Variants in BRPF3 observed in about 807,000 individuals in gnomAD.
BRPF3 encodes bromodomain and PHD finger-containing protein 3.
A neutral mutation model predicts 102.0 loss-of-function variants in BRPF3; 18 were observed. The ratio of observed to expected loss-of-function variants is 0.18; its 90% CI spans 0.12 to 0.26. BRPF3 has a LOEUF of 0.26. Ranked by LOEUF, BRPF3 falls within the 10% of genes least tolerant of loss-of-function variation. The pLI, the probability that BRPF3 is intolerant of heterozygous loss-of-function variation, is 1.00. For missense variants in BRPF3, 1,147 were observed against 1,567.8 expected, an observed-to-expected ratio of 0.73 and a Z score of 4.53; for synonymous variants, 570 against 614.2, an observed-to-expected ratio of 0.93 and a Z score of 1.06.
At chr6:36,229,498 A>G (rs895048968) in intron 12 of BRPF3, among the ~76,000 whole-genome samples, 2 of 152,178 alleles carry the variant, frequency 1.3e-5, no homozygotes, top group South Asian at 2.1e-4. Flanking sequence ...TGAGGCTTCC[A>G]TGGTGGAGAG....
At chr6:36,197,057 G>A (rs974644160) in intron 1 of BRPF3, 87 bp downstream of exon 1, 6 of 151,448 alleles carry the variant, frequency 4.0e-5, no homozygotes, top group African/African-American at 1.5e-4. Context: ...GGGGAAACCG[G>A]AGAAGCGGGG....
intron 7 of BRPF3, 142 bp from the exon 8 acceptor site, chr6:36,213,738 T>C (rs1768216646): frequency 6.8e-6 from 6 of 879,262 alleles, no homozygotes; most frequent in African/African-American, 1.7e-5. Flanking sequence ...CCTTTCTCTT[T>C]GCTTCAGATC....
chr6:36,230,714 A>T lies in BRPF3; in HGVS notation c.*105A>T. 5 of 1,336,340 alleles carry T rather than the reference A, an allele frequency of 3.7e-6. No individual in the cohort carries two copies. The highest frequency in any genetic ancestry group is 1.0e-6 in the Non-Finnish European group (1 of 982,800). 82.8% of individuals were successfully genotyped at this position (1,336,340 alleles called of 1,614,324 possible). ...GTATGGCCGGCAGCTTCCCCCTCTC[A>T]TGGTAGGCCAGGGACTGGGCTTTCT... On this transcript the variant is annotated 3_prime_UTR_variant, in exon 13 of 13. Transcript: ENST00000357641. The surrounding 1 kb of genome is among the most constrained non-coding windows in gnomAD (Gnocchi z 5.4).
At chr6:36,198,195 C>G (rs1394869632) in intron 1 of BRPF3, among the ~76,000 whole-genome samples, 1 of 152,200 alleles carries the variant, frequency 6.6e-6, no homozygotes, top group Non-Finnish European at 1.5e-5. Context: ...GCCCGCCTGG[C>G]ACTGCTCCTC....
intron 10 of BRPF3, among the ~76,000 whole-genome samples, chr6:36,224,383 C>T (rs1023871035): frequency 2.0e-5 from 3 of 151,990 alleles, no homozygotes; most frequent in African/African-American, 4.8e-5. Context: ...ATCTGTGAAG[C>T]ACTCATTCAC....
In BRPF3 at chr6:36,207,389, G is replaced by A; in HGVS notation, c.1682G>A (p.Arg561Gln). 1 of 1,614,112 alleles carries A rather than the reference G, an allele frequency of 6.2e-7. No homozygotes were observed. Among genetic ancestry groups the A allele is most frequent in the Non-Finnish European group, 8.5e-7 (1 of 1,179,992 alleles). The change falls in exon 4 of 13, where the codon CGG becomes CAG. Residue 561 changes from arginine to glutamine, a missense_variant. Arg to Gln is a conservative substitution (Grantham distance 43). Around this residue, in one of 11 missense-constraint regions of BRPF3, gnomAD observed 23 missense variants for 54.4 expected, o/e 0.42. Transcript: ENST00000357641. Reference sequence around the variant, plus strand: ...CAGAAGCTCCGGCATGACTTGGAGCGGGCGCGGCTGCTGATTGAGCTGATT... The same window carrying A: ...CAGAAGCTCCGGCATGACTTGGAGCAGGCGCGGCTGCTGATTGAGCTGATT... ...YWQKLRHDLE[R>Q]ARLLIELIRK... is the part of the protein sequence containing the mutation.
In BRPF3 at chr6:36,210,426, G is replaced by A. The variant is rs750145294; in HGVS notation, c.2077G>A (p.Ala693Thr). 14 of 1,613,322 alleles carry A rather than the reference G, an allele frequency of 8.7e-6. No homozygotes were observed. The highest frequency in any genetic ancestry group is 2.7e-5 in the African/African-American group (2 of 74,914). Residue 693 changes from alanine to threonine, a missense_variant, in exon 6 of 13, where the codon GCC becomes ACC. Ala to Thr is a moderately conservative substitution (Grantham distance 58). Around this residue, in one of 11 missense-constraint regions of BRPF3, gnomAD observed 109 missense variants for 175.1 expected, o/e 0.62. Transcript: ENST00000357641. This position sits in a 1 kb window ranked among gnomAD's most constrained non-coding sequence, Gnocchi z 4.7. Reference sequence around the variant, plus strand: ...CCTGGGAGGGGCCATCCTACGGCACGCCCGGCGGCAGGCAGAGAACATCGG... The same window carrying A: ...CCTGGGAGGGGCCATCCTACGGCACACCCGGCGGCAGGCAGAGAACATCGG... Reference protein sequence around the residue: ...RDLGGAILRHARRQAENIGYD... With the variant: ...RDLGGAILRHTRRQAENIGYD...
intron 6 of BRPF3, 39 bp from the exon 7 acceptor site, chr6:36,211,219 G>T: frequency 6.3e-7 from 1 of 1,592,390 alleles, no homozygotes; most frequent in Non-Finnish European, 8.6e-7. Context: ...GTGCTGGGCA[G>T]GTCCTTCAGC....
At position 36,210,645 on chromosome 6, in the gene BRPF3, C is replaced by G. The variant is rs893633025; in HGVS notation, c.2179+117C>G. On this transcript the variant is annotated intron_variant, in intron 6 of 12. Coordinates refer to ENST00000357641, the MANE Select transcript of BRPF3 (RefSeq NM_015695.3). This position sits in a 1 kb window ranked among gnomAD's most constrained non-coding sequence, Gnocchi z 4.7. ...CTATAGGTAGACTCCAGGAGCAAAG[C>G]TGAGGGTGAGCACAGACTGAGGTAT... The G allele has an allele frequency of 1.1e-6, 1 of 930,324 alleles. No individual in the cohort carries two copies. The highest frequency in any genetic ancestry group is 1.6e-6 in the Non-Finnish European group (1 of 630,556). The allele number at this position is 930,324 out of a possible 1,614,324, so 57.6% of individuals were successfully genotyped here.
chr6:36,214,128 G>A lies in BRPF3; in HGVS notation c.2731G>A (p.Ala911Thr). 6.2e-7 allele frequency: 1 copy of A among 1,614,206 alleles called. No homozygotes were observed. Among genetic ancestry groups the A allele is most frequent in the Non-Finnish European group, 8.5e-7 (1 of 1,180,046 alleles). Residue 911 changes from alanine (A) to threonine (T), a missense_variant, in exon 8 of 13, where the codon GCC becomes ACC. Physicochemically the swap from Ala to Thr is moderately conservative, Grantham distance 58. Coordinates refer to ENST00000357641, the MANE Select transcript of BRPF3 (RefSeq NM_015695.3). ...DNGINRLSLMAPDTPAGTPLS... is the reference protein window; with the variant it reads ...DNGINRLSLMTPDTPAGTPLS... Reference sequence around the variant, plus strand: ...TGGCATCAACAGACTATCCCTCATGGCCCCTGACACCCCGGCCGGTACCCC... The same window carrying A: ...TGGCATCAACAGACTATCCCTCATGACCCCTGACACCCCGGCCGGTACCCC...
At chr6:36,202,411 C>CA (rs1491420212) in intron 2 of BRPF3, among the ~76,000 whole-genome samples, 1 of 41,342 alleles carries the variant, frequency 2.4e-5, no homozygotes, top group Non-Finnish European at 6.8e-5. Flanking sequence ...GCTCTGTGGA[C>CA]CCCCCCCCCC....
In BRPF3 at chr6:36,229,124, G is replaced by T. The variant is rs914708416; in HGVS notation, c.3434+68G>T. ...GGTCTGTGCCAGTGGTGCTGTGCTA[G>T]TGAGGTGTACAGAGGGGCCATGGAT... On this transcript the variant is annotated intron_variant, in intron 12 of 12. Coordinates refer to ENST00000357641, the MANE Select transcript of BRPF3 (RefSeq NM_015695.3). 19 of 1,565,784 alleles carry T rather than the reference G, an allele frequency of 1.2e-5. No individual in the cohort carries two copies. In the African/African-American group the frequency reaches 2.2e-4, roughly 18 times the overall value.
intron 7 of BRPF3, 70 bp from the exon 8 acceptor site, chr6:36,213,810 T>G: frequency 6.8e-7 from 1 of 1,476,916 alleles, no homozygotes; most frequent in East Asian, 2.3e-5. Context: ...TGGTTGTCAG[T>G]GTCAGTATCT....
chr6:36,229,744 A>G (rs1459030290), intron 12 of BRPF3, among the ~76,000 whole-genome samples: 4 of 152,182 alleles, frequency 2.6e-5, no homozygotes, highest in African/African-American at 9.7e-5. Context: ...AACAGTGATA[A>G]TAGTAGCTGC....
intron 8 of BRPF3, among the ~76,000 whole-genome samples, 177 bp from the exon 9 acceptor site, chr6:36,217,740 C>T (rs765511002): frequency 2.6e-5 from 4 of 152,192 alleles, no homozygotes; most frequent in Non-Finnish European, 5.9e-5. Context: ...ATATTTCCCC[C>T]CAAACTTTTA....
Position 36,200,910 on chromosome 6 carries a change from C to T in BRPF3, c.588C>T (p.Tyr196=). 6.2e-7 allele frequency: 1 copy of T among 1,614,198 alleles called. No homozygotes were observed. Among genetic ancestry groups the T allele is most frequent in the Non-Finnish European group, 8.5e-7 (1 of 1,180,030 alleles). Residue 196 remains tyrosine, a synonymous_variant, in exon 2 of 13, where the codon TAC becomes TAT. Transcript: ENST00000357641. This position sits in a 1 kb window ranked among gnomAD's most constrained non-coding sequence, Gnocchi z 5.3. The part of the protein sequence containing the change: ...LLVDRLEKES[Y]LESRSSGAQQ... ...TAGACCGGCTTGAGAAAGAGTCATA[C>T]TTGGAGAGTCGCAGCAGTGGGGCCC... is the stretch of plus-strand genomic sequence containing the variant.
intron 9 of BRPF3, among the ~76,000 whole-genome samples, chr6:36,219,350 A>C (rs942344491): frequency 1.3e-5 from 2 of 152,322 alleles, no homozygotes; most frequent in Admixed American, 1.3e-4. Context: ...CACAGGAAAG[A>C]GAAAGATTTC....
chr6:36,225,477 A>AT (rs1554131011), intron 11 of BRPF3, 113 bp downstream of exon 11: 2 of 922,784 alleles, frequency 2.2e-6, no homozygotes, highest in African/African-American at 3.4e-5. Flanking sequence ...TTAGCTGTAG[A>AT]GGGGAGGGGG....
chr6:36,205,732 A>C (rs993958767), intron 3 of BRPF3, among the ~76,000 whole-genome samples: 1 of 152,130 alleles, frequency 6.6e-6, no homozygotes, highest in Non-Finnish European at 1.5e-5. Context: ...TAATGGTAAC[A>C]TTCCCAGTGG....
Sources: allele counts gnomAD v4.1 joint callset (sites outside exome capture counted in the v4.1 genomes callset), GRCh38; gene constraint gnomAD v4.1.1; regional missense constraint gnomAD v4.1.1; non-coding constraint Gnocchi (gnomAD v3.1); transcripts MANE v1.5; gene names NCBI Gene and HGNC (gene_info 2026-07-23, HGNC 2026-07-21).